Variants in DNAJC18 observed in about 807,000 individuals in gnomAD.
DNAJC18 encodes the protein dnaJ homolog subfamily C member 18.
A neutral mutation model predicts 48.6 loss-of-function variants in DNAJC18; 40 were observed. The observed-to-expected ratio is 0.82, with a 90% confidence interval of 0.64 to 1.07. The LOEUF is 1.07. DNAJC18 is among the 50% of genes least tolerant of loss of function. The pLI, the probability that DNAJC18 is intolerant of heterozygous loss-of-function variation, is 0.00. For missense variants in DNAJC18, 340 were observed against 427.7 expected, an observed-to-expected ratio of 0.79 and a Z score of 1.81; for synonymous variants, 135 against 152.2, an observed-to-expected ratio of 0.89 and a Z score of 0.83.
intron 7 of DNAJC18, among the ~76,000 whole-genome samples, chr5:139,414,690 G>T (rs1041515411): frequency 1.3e-5 from 2 of 152,236 alleles, no homozygotes; most frequent in African/African-American, 2.4e-5. Context: ...CTCCTGCATT[G>T]CTGCATCATA....
chr5:139,426,750 A>G (rs11950873), intron 3 of DNAJC18, among the ~76,000 whole-genome samples: 76,182 of 151,982 alleles, frequency 0.5, 22,534 homozygotes, highest in Non-Finnish European at 0.67. Flanking sequence ...TGTTCTGGCC[A>G]GGTGCAGTGG....
intron 2 of DNAJC18, among the ~76,000 whole-genome samples, 191 bp downstream of exon 2, chr5:139,437,181 C>T (rs1263833634): frequency 6.6e-6 from 1 of 152,154 alleles, no homozygotes; most frequent in East Asian, 1.9e-4. Context: ...AAAGTAGAAG[C>T]AGGGTAGTCA....
Position 139,428,682 on chromosome 5 carries a change from T to C in DNAJC18, c.229A>G (p.Ile77Val). The C allele has an allele frequency of 1.2e-6, 2 of 1,608,442 alleles. No homozygotes were observed. The highest frequency in any genetic ancestry group is 3.3e-4 in the Middle Eastern group (2 of 5,978). ...TCATAGTAATTTCTGCATTTCTTGATCCTAAAAAAAATCACAAGCATGTAT... is the reference window on the plus strand; with the variant it reads ...TCATAGTAATTTCTGCATTTCTTGACCCTAAAAAAAATCACAAGCATGTAT... The part of the protein sequence containing the change: ...SEEQLLGVQR[I>V]KKCRNYYEIL... The change falls in exon 3 of 8, where the codon ATC (isoleucine) becomes GTC (valine). Residue 77 changes from isoleucine (I) to valine (V), a missense_variant and splice_region_variant. Physicochemically the swap from Ile to Val is conservative, Grantham distance 29. Transcript: ENST00000302060.
intron 5 of DNAJC18, among the ~76,000 whole-genome samples, chr5:139,424,717 CAAAAAAAAA>C (rs70982777): frequency 2.6e-4 from 6 of 23,108 alleles, no homozygotes; most frequent in African/African-American, 1.1e-3. Context: ...GACCCTCTCT[CAAAAAAAAA>C]AAAAAAAAAA....
In DNAJC18 at chr5:139,413,373, TG is replaced by T. The variant is rs1466505165; in HGVS notation, c.*774del. 1 of 152,928 alleles carries T rather than the reference TG, an allele frequency of 6.5e-6. No individual in the cohort carries two copies. Among genetic ancestry groups the T allele is most frequent in the Non-Finnish European group, 1.5e-5 (1 of 68,608 alleles). The allele number at this position is 152,928 out of a possible 1,614,324, so 9.5% of individuals were successfully genotyped here. A position where few individuals can be genotyped will look rare whatever the true frequency, so the allele number is the denominator to read the frequency against. ...AGTGCGATGACACCAATGATGATAC[TG>T]AGGGGAAATGACCGAAGGGACATTC... On this transcript the variant is annotated 3_prime_UTR_variant, in exon 8 of 8. Transcript: ENST00000302060.
At chr5:139,426,090 C>T (rs1759238872) in intron 4 of DNAJC18, 82 bp downstream of exon 4, 1 of 1,432,732 alleles carries the variant, frequency 7.0e-7, no homozygotes, top group Non-Finnish European at 9.6e-7. Context: ...CATTGTACCT[C>T]TATTCAGATT....
chr5:139,433,531 A>C (rs1349957241), intron 2 of DNAJC18, among the ~76,000 whole-genome samples: 1 of 152,200 alleles, frequency 6.6e-6, no homozygotes, highest in Non-Finnish European at 1.5e-5. Context: ...AACTGCTCAC[A>C]AAGAGATGAT....
intron 2 of DNAJC18, among the ~76,000 whole-genome samples, chr5:139,430,762 G>A (rs146624915): frequency 6.6e-6 from 1 of 151,816 alleles, no homozygotes; most frequent in Non-Finnish European, 1.5e-5. Flanking sequence ...GTAGAGACAG[G>A]GTTTCACTGT....
intron 6 of DNAJC18, among the ~76,000 whole-genome samples, chr5:139,422,233 A>G (rs77418662): frequency 0.052 from 7,857 of 152,240 alleles, 332 homozygotes; most frequent in African/African-American, 0.11. Context: ...AAATCCTATC[A>G]GAGTTTATAA....
At chr5:139,430,616 C>G (rs1759315790) in intron 2 of DNAJC18, among the ~76,000 whole-genome samples, 1 of 148,370 alleles carries the variant, frequency 6.7e-6, no homozygotes, top group African/African-American at 2.5e-5. Context: ...AGAGCCCAGG[C>G]TGGAGTGCAG....
chr5:139,435,132 G>A (rs1351571501), intron 2 of DNAJC18, among the ~76,000 whole-genome samples: 3 of 151,980 alleles, frequency 2.0e-5, no homozygotes, highest in African/African-American at 7.3e-5. Flanking sequence ...AGGCCGAGGC[G>A]GGCAGATCAC....
At position 139,439,001 on chromosome 5, in the gene DNAJC18, A is replaced by AT. The variant is rs1262438975; in HGVS notation, c.40+404dup. 6.6e-6 allele frequency among the ~76,000 whole-genome samples: 1 copy of AT among 152,188 alleles called. No individual in the cohort carries two copies. Among genetic ancestry groups the AT allele is most frequent in the Non-Finnish European group, 1.5e-5 (1 of 68,030 alleles). ...TGTAGGGTGGAAAAGGCTGGTCCTG[A>AT]TGCCGGCTGGAGCGACATGATCAAA... On this transcript the variant is annotated intron_variant, in intron 1 of 7. Coordinates refer to ENST00000302060, the MANE Select transcript of DNAJC18 (RefSeq NM_152686.4). The surrounding 1 kb of genome is among the most constrained non-coding windows in gnomAD (Gnocchi z 4.1).
Position 139,412,826 on chromosome 5 carries a change from C to T in DNAJC18, c.*1322G>A. The stretch of plus-strand genomic sequence containing the variant: ...TCCTAAAGAGCAGCAGGGATGTTGT[C>T]CTGAACAGATGCAAGATTGCCACAG... On this transcript the variant is annotated 3_prime_UTR_variant, in exon 8 of 8. Coordinates refer to ENST00000302060, the MANE Select transcript of DNAJC18 (RefSeq NM_152686.4). 2.5e-6 allele frequency: 1 copy of T among 398,646 alleles called. No individual in the cohort carries two copies. The highest frequency in any genetic ancestry group is 4.4e-6 in the Non-Finnish European group (1 of 226,116). 24.7% of individuals were successfully genotyped at this position (398,646 alleles called of 1,614,324 possible). A position where few individuals can be genotyped will look rare whatever the true frequency, so the allele number is the denominator to read the frequency against.
At chr5:139,431,971 T>C (rs923253404) in intron 2 of DNAJC18, among the ~76,000 whole-genome samples, 2 of 152,246 alleles carry the variant, frequency 1.3e-5, no homozygotes, top group African/African-American at 4.8e-5. Context: ...TAACCATATA[T>C]ATATCTTCTT....
rs1260028630 is a variant in DNAJC18 at position 139,426,343 on chromosome 5, A to G, written c.388T>C (p.Phe130Leu). Residue 130 changes from phenylalanine to leucine, a missense_variant, in exon 4 of 8, where the codon TTT becomes CTT. Phe to Leu is a conservative substitution (Grantham distance 22). Coordinates refer to ENST00000302060, the MANE Select transcript of DNAJC18 (RefSeq NM_152686.4). ...TDAFKAIGNA[F>L]AVLSNPDKRL... ...TTATCAGGATTGCTCAGGACTGCAA[A>G]TGCATTTCCTATTGCTGCAACCAAC... The G allele has an allele frequency of 1.9e-6, 3 of 1,613,904 alleles. No individual in the cohort carries two copies. Among genetic ancestry groups the G allele is most frequent in the Non-Finnish European group, 2.5e-6 (3 of 1,179,960 alleles).
Position 139,439,514 on chromosome 5 carries a change from A to C in DNAJC18, c.-69T>G. 1 of 1,610,104 alleles carries C rather than the reference A, an allele frequency of 6.2e-7. No individual in the cohort carries two copies. The highest frequency in any genetic ancestry group is 1.3e-5 in the African/African-American group (1 of 74,802). On this transcript the variant is annotated 5_prime_UTR_variant, in exon 1 of 8. Coordinates refer to ENST00000302060, the MANE Select transcript of DNAJC18 (RefSeq NM_152686.4). This position sits in a 1 kb window ranked among gnomAD's most constrained non-coding sequence, Gnocchi z 4.1. Reference sequence around the variant, plus strand: ...GAGGCTGAAAGAGAAGGGGGCGCGGAGCGCGGGGCACGCTGGTCATTGTAG... The same window carrying C: ...GAGGCTGAAAGAGAAGGGGGCGCGGCGCGCGGGGCACGCTGGTCATTGTAG...
intron 3 of DNAJC18, among the ~76,000 whole-genome samples, chr5:139,428,150 A>G (rs1759272468): frequency 6.6e-6 from 1 of 152,212 alleles, no homozygotes; most frequent in Admixed American, 6.5e-5. Flanking sequence ...TAATATCAGC[A>G]CTTTGGAAGG....
rs762169642 is a variant in DNAJC18 at position 139,417,568 on chromosome 5, A to AT, written c.952+2484dup. Among the ~76,000 whole-genome samples the AT allele has an allele frequency of 6.1e-3, 693 of 114,446 alleles. 4 individuals carry two copies. Among genetic ancestry groups the AT allele is most frequent in the Middle Eastern group, 0.014 (3 of 212 alleles). The allele number at this position is 114,446 out of a possible 152,430, so 75.1% of individuals were successfully genotyped here. A position where few individuals can be genotyped will look rare whatever the true frequency, so the allele number is the denominator to read the frequency against. On this transcript the variant is annotated intron_variant, in intron 7 of 7. Transcript: ENST00000302060. ...TACACGCATCATGCTTACTCACTGGATTTTTTTTTTTTTTTTTTTTTTTTA... is the reference window on the plus strand; with the variant it reads ...TACACGCATCATGCTTACTCACTGGATTTTTTTTTTTTTTTTTTTTTTTTTA...
At position 139,439,270 on chromosome 5, in the gene DNAJC18, C is replaced by G; in HGVS notation, c.40+136G>C. The G allele has an allele frequency of 1.4e-6, 2 of 1,418,484 alleles. No homozygotes were observed. The highest frequency in any genetic ancestry group is 2.0e-6 in the Non-Finnish European group (2 of 1,024,432). 87.9% of individuals were successfully genotyped at this position (1,418,484 alleles called of 1,614,324 possible). A position where few individuals can be genotyped will look rare whatever the true frequency, so the allele number is the denominator to read the frequency against. ...TCCCTACCCCATCCGCAACCCTACT[C>G]AGGCTCAGCATCTTTTCACAGGCCT... On this transcript the variant is annotated intron_variant, in intron 1 of 7. Transcript: ENST00000302060. The surrounding 1 kb of genome is among the most constrained non-coding windows in gnomAD (Gnocchi z 4.1).
Sources: allele counts gnomAD v4.1 joint callset (sites outside exome capture counted in the v4.1 genomes callset), GRCh38; gene constraint gnomAD v4.1.1; non-coding constraint Gnocchi (gnomAD v3.1); transcripts MANE v1.5; gene names NCBI Gene and HGNC (gene_info 2026-07-23, HGNC 2026-07-21).